The following PHIP variants were observed in gnomAD, a reference collection of about 807,000 sequenced individuals.
PHIP encodes PHIP subunit of CUL4-Ring ligase complex.
A neutral mutation model predicts 236.8 loss-of-function variants in PHIP; 54 were observed. That is an observed-to-expected ratio of 0.23 (90% CI 0.18 to 0.29). The LOEUF is 0.29. PHIP is among the 10% of genes least tolerant of loss of function. PHIP has a pLI of 1.00. For synonymous variants in PHIP, 756 were observed against 718.9 expected (o/e 1.05, Z -0.83); for missense variants, 1,370 against 2,190.8 (o/e 0.63, Z 7.48).
intron 32 of PHIP, 51 bp from the exon 33 acceptor site, chr6:78,955,733 T>G: frequency 1.5e-6 from 1 of 666,044 alleles, no homozygotes; most frequent in Non-Finnish European, 2.6e-6. Flanking sequence ...TGATAATTTT[T>G]TTCCTTAAAA....
chr6:78,957,963 A>C (rs1766537508), intron 32 of PHIP: 1 of 152,100 alleles, frequency 6.6e-6, no homozygotes, highest in East Asian at 1.9e-4. Context: ...AATATACTTG[A>C]CAGGGGCAAT....
intron 12 of PHIP, 109 bp from the exon 13 acceptor site, chr6:79,016,751 C>T (rs1457392257): frequency 2.3e-5 from 15 of 648,270 alleles, no homozygotes; most frequent in African/African-American, 3.7e-5. Flanking sequence ...TTTATTTATG[C>T]AGCATTCTAA....
chr6:78,974,123 G>T (rs1258589620), intron 24 of PHIP, among the ~76,000 whole-genome samples: 5 of 151,692 alleles, frequency 3.3e-5, no homozygotes, highest in African/African-American at 1.2e-4. Context: ...CACATACTTG[G>T]AAGTAAAGCT....
At chr6:79,029,480 T>C (rs1293096263) in intron 7 of PHIP, among the ~76,000 whole-genome samples, 2 of 152,286 alleles carry the variant, frequency 1.3e-5, no homozygotes, top group Middle Eastern at 3.4e-3. Flanking sequence ...ATTAAATGTA[T>C]TGGGAAAAAA....
At position 78,947,789 on chromosome 6, in the gene PHIP, A is replaced by T; in HGVS notation, c.4054-14T>A. On this transcript the variant is annotated splice_polypyrimidine_tract_variant and intron_variant, in intron 35 of 39. Transcript: ENST00000275034. ...GTCTCTGTAGTCCTAGGAGAGGGAA[A>T]ACAGGTGGTGTTATGATTATTACTA... is the stretch of plus-strand genomic sequence containing the variant. 6.3e-7 allele frequency: 1 copy of T among 1,589,026 alleles called. No homozygotes were observed. Among genetic ancestry groups the T allele is most frequent in the Non-Finnish European group, 8.6e-7 (1 of 1,161,804 alleles).
intron 9 of PHIP, among the ~76,000 whole-genome samples, chr6:79,020,952 GTGTT>G (rs201966101): frequency 0.037 from 5,589 of 152,296 alleles, 103 homozygotes; most frequent in Middle Eastern, 0.058. Flanking sequence ...AAGTAATTAT[GTGTT>G]TGTTTACTTG....
intron 23 of PHIP, among the ~76,000 whole-genome samples, chr6:78,981,175 T>A (rs1284003418): frequency 6.6e-6 from 1 of 152,034 alleles, no homozygotes; most frequent in African/African-American, 2.4e-5. Flanking sequence ...GAGGTTTTTT[T>A]AAATATGGAA....
At chr6:79,069,874 G>C (rs540189274) in intron 4 of PHIP, among the ~76,000 whole-genome samples, 1 of 152,032 alleles carries the variant, frequency 6.6e-6, no homozygotes, top group Admixed American at 6.6e-5. Flanking sequence ...GTCATATTCA[G>C]AATTTACTTA....
intron 19 of PHIP, among the ~76,000 whole-genome samples, chr6:78,992,961 A>G (rs995643049): frequency 3.9e-5 from 6 of 152,246 alleles, no homozygotes; most frequent in Non-Finnish European, 7.3e-5. Flanking sequence ...TGTGCCCAAC[A>G]ACCACGTTTT....
chr6:79,063,562 C>T (rs1049446031), intron 4 of PHIP, among the ~76,000 whole-genome samples: 1 of 151,958 alleles, frequency 6.6e-6, no homozygotes, highest in Non-Finnish European at 1.5e-5. Context: ...ATTACAGGCG[C>T]CCCACCACCT....
intron 19 of PHIP, among the ~76,000 whole-genome samples, chr6:78,996,982 AAT>A (rs1554202828): frequency 1.3e-5 from 2 of 151,024 alleles, no homozygotes; most frequent in African/African-American, 2.4e-5. Context: ...TAAATATTTT[AAT>A]ATATATAAAA....
At position 79,075,152 on chromosome 6, in the gene PHIP, A is replaced by C. The variant is rs570888172; in HGVS notation, c.189+2296T>G. On this transcript the variant is annotated intron_variant, in intron 4 of 39. Transcript: ENST00000275034. ...CTTTGCATGTGCTGACTTAGATATT[A>C]AACAGCGAGATCAACTATTGAACAA... Among the ~76,000 whole-genome samples, 7 of 152,268 alleles carry C rather than the reference A, an allele frequency of 4.6e-5. No homozygotes were observed. The South Asian group carries it at 1.4e-3, about 32-fold the overall frequency.
At chr6:78,958,281 A>G in intron 32 of PHIP, 194 bp downstream of exon 32, 1 of 420,546 alleles carries the variant, frequency 2.4e-6, no homozygotes, top group Non-Finnish European at 4.2e-6. Flanking sequence ...TTATTAGCCA[A>G]TGAACTGTTT....
intron 6 of PHIP, among the ~76,000 whole-genome samples, chr6:79,060,228 G>A (rs2127772195): frequency 6.6e-6 from 1 of 152,022 alleles, no homozygotes; most frequent in African/African-American, 2.4e-5. Flanking sequence ...CCTTAATATG[G>A]AACTTTCGTA....
At chr6:79,054,620 C>G (rs890936851) in intron 6 of PHIP, among the ~76,000 whole-genome samples, 2 of 150,818 alleles carry the variant, frequency 1.3e-5, no homozygotes, top group Admixed American at 1.3e-4. Flanking sequence ...TTATATGTAA[C>G]TGTTAACTTA....
chr6:78,990,845 A>T, intron 20 of PHIP, 23 bp downstream of exon 20: 1 of 1,313,598 alleles, frequency 7.6e-7, no homozygotes, highest in Non-Finnish European at 1.1e-6. Flanking sequence ...CAAATATTAA[A>T]CATCAAAATA....
At chr6:79,063,425 T>A (rs1457735652) in intron 4 of PHIP, among the ~76,000 whole-genome samples, 1 of 152,190 alleles carries the variant, frequency 6.6e-6, no homozygotes, top group Non-Finnish European at 1.5e-5. Flanking sequence ...GGGGTGAGTT[T>A]GTTTGTTTTG....
intron 24 of PHIP, among the ~76,000 whole-genome samples, chr6:78,976,713 A>T (rs1337054717): frequency 1.2e-4 from 18 of 148,336 alleles, no homozygotes; most frequent in African/African-American, 4.4e-4. Flanking sequence ...AAAGTGGGCG[A>T]AGGACATGAA....
chr6:79,049,540 T>G (rs1772682734), intron 6 of PHIP, among the ~76,000 whole-genome samples: 1 of 152,216 alleles, frequency 6.6e-6, no homozygotes, highest in Non-Finnish European at 1.5e-5. Flanking sequence ...GGTTTCATTT[T>G]AATCTCCACC....
Sources: allele counts gnomAD v4.1 joint callset (sites outside exome capture counted in the v4.1 genomes callset), GRCh38; gene constraint gnomAD v4.1.1; transcripts MANE v1.5; gene names NCBI Gene and HGNC (gene_info 2026-07-23, HGNC 2026-07-21).